Variants in THSD4 observed in about 807,000 individuals in gnomAD.
THSD4 encodes thrombospondin type-1 domain-containing protein 4.
In THSD4, 69 loss-of-function variants were observed where a neutral mutation model predicts 119.0. The ratio of observed to expected loss-of-function variants is 0.58; its 90% CI spans 0.48 to 0.71. The LOEUF is 0.71. THSD4 is among the 30% of genes least tolerant of loss of function. THSD4 has a pLI of 0.00. For missense variants in THSD4, 1,393 were observed against 1,391.1 expected (o/e 1.00, Z -0.02); for synonymous variants, 524 against 540.4 (o/e 0.97, Z 0.42).
chr15:71,753,786 C>T (rs2053490343), intron 14 of THSD4, among the ~76,000 whole-genome samples: 1 of 152,158 alleles, frequency 6.6e-6, no homozygotes, highest in African/African-American at 2.4e-5. Context: ...GAGTGGGGAG[C>T]TCCTTTCATG....
chr15:71,605,173 GAAGAT>G (rs1192116160), intron 7 of THSD4, among the ~76,000 whole-genome samples: 1 of 152,208 alleles, frequency 6.6e-6, no homozygotes, highest in Non-Finnish European at 1.5e-5. Flanking sequence ...TCAAGGAAGA[GAAGAT>G]AAGGAGATAA....
At chr15:71,613,601 A>G (rs2050269241) in intron 7 of THSD4, among the ~76,000 whole-genome samples, 1 of 152,078 alleles carries the variant, frequency 6.6e-6, no homozygotes, top group South Asian at 2.1e-4. Context: ...TTCTACATCC[A>G]CCCAAGCAAA....
chr15:71,165,689 A>G (rs1048946239), intron 3 of THSD4, among the ~76,000 whole-genome samples: 3 of 151,786 alleles, frequency 2.0e-5, no homozygotes, highest in African/African-American at 7.3e-5. Context: ...GGTGTCTGCA[A>G]TTTTCTCAGT....
chr15:71,196,473 G>C (rs1305495804), intron 3 of THSD4, among the ~76,000 whole-genome samples: 2 of 152,124 alleles, frequency 1.3e-5, no homozygotes, highest in Non-Finnish European at 2.9e-5. Flanking sequence ...GAATCCAGAA[G>C]ACTCGATAAC....
chr15:71,696,540 A>G (rs1034970523), intron 8 of THSD4, among the ~76,000 whole-genome samples: 5 of 152,196 alleles, frequency 3.3e-5, no homozygotes, highest in African/African-American at 7.2e-5. Context: ...AAACTATAGC[A>G]TAGCTATTAT....
chr15:71,589,844 G>T (rs867581586), intron 7 of THSD4, among the ~76,000 whole-genome samples: 7 of 139,284 alleles, frequency 5.0e-5, no homozygotes, highest in African/African-American at 1.8e-4. Context: ...TTGTGGCTAT[G>T]CATGTAATGA....
At chr15:71,394,078 ATTT>A (rs36141571) in intron 6 of THSD4, among the ~76,000 whole-genome samples, 222 of 148,134 alleles carry the variant, frequency 1.5e-3, no homozygotes, top group Non-Finnish European at 2.8e-3. Context: ...GATACACAAT[ATTT>A]TTTTTTTTTT....
chr15:71,361,123 A>G (rs924147949), intron 6 of THSD4, among the ~76,000 whole-genome samples: 2 of 152,166 alleles, frequency 1.3e-5, no homozygotes, highest in African/African-American at 4.8e-5. Context: ...TTTGTAGAGC[A>G]TGGAGGGCCC....
At chr15:71,302,871 A>G (rs956150272) in intron 6 of THSD4, among the ~76,000 whole-genome samples, 31 of 150,498 alleles carry the variant, frequency 2.1e-4, no homozygotes, top group African/African-American at 7.6e-4. Flanking sequence ...TAGCCCTACA[A>G]CCCCCTGCCA....
rs137932210 is a variant in THSD4 at position 71,393,330 on chromosome 15, G to T, written c.1016-18357G>T. On this transcript the variant is annotated intron_variant, in intron 6 of 17. Transcript: ENST00000261862. The stretch of plus-strand genomic sequence containing the variant: ...TAACTGCGGCCTGAATGGGATGAAT[G>T]AATGAGGCTGGCAAGTTTCTTCAGG... Among the ~76,000 whole-genome samples, 1,025 of 152,180 alleles carry T rather than the reference G, an allele frequency of 6.7e-3. 11 individuals carry two copies. The highest frequency in any genetic ancestry group is 0.024 in the African/African-American group (978 of 41,498).
At chr15:71,122,760 G>A (rs2040418912) in intron 1 of THSD4, among the ~76,000 whole-genome samples, 1 of 152,072 alleles carries the variant, frequency 6.6e-6, no homozygotes, top group Non-Finnish European at 1.5e-5. Context: ...CCCTCTATCA[G>A]GGATCTAGGT....
intron 3 of THSD4, among the ~76,000 whole-genome samples, chr15:71,191,327 C>A (rs757070298): frequency 4.6e-5 from 7 of 152,142 alleles, no homozygotes; most frequent in Non-Finnish European, 7.4e-5. Flanking sequence ...TCTGGACTCC[C>A]CTATTTTTCT....
intron 5 of THSD4, among the ~76,000 whole-genome samples, chr15:71,254,514 C>T (rs1434618725): frequency 2.0e-5 from 3 of 152,324 alleles, no homozygotes; most frequent in Admixed American, 2.0e-4. Context: ...AGCATATATT[C>T]CTGGGCTCTC....
chr15:71,257,569 A>G (rs1299750370), intron 6 of THSD4, among the ~76,000 whole-genome samples: 1 of 152,158 alleles, frequency 6.6e-6, no homozygotes, highest in African/African-American at 2.4e-5. Flanking sequence ...GCACTGCACA[A>G]TGTGCAGGAT....
chr15:71,559,053 C>A (rs139119012), intron 7 of THSD4, among the ~76,000 whole-genome samples: 1 of 152,044 alleles, frequency 6.6e-6, no homozygotes, highest in Admixed American at 6.6e-5. Flanking sequence ...ATAATTGGTT[C>A]GGAGACTTTT....
In THSD4 at chr15:71,322,048, A is replaced by G. The variant is rs1252685578; in HGVS notation, c.1015+65333A>G. Among the ~76,000 whole-genome samples the G allele has an allele frequency of 3.9e-5, 6 of 152,206 alleles. No individual in the cohort carries two copies. The East Asian group carries it at 1.2e-3, about 29-fold the overall frequency. On this transcript the variant is annotated intron_variant, in intron 6 of 17. Coordinates refer to ENST00000261862, the MANE Select transcript of THSD4 (RefSeq NM_024817.3). ...ACTTAAAAAAAAAAAAGTGGGTCAA[A>G]TTAAGTTGAAAACAAGCTTGGAGTA...
At chr15:71,311,776 G>A (rs1301276574) in intron 6 of THSD4, among the ~76,000 whole-genome samples, 2 of 152,212 alleles carry the variant, frequency 1.3e-5, no homozygotes, top group South Asian at 4.1e-4. Flanking sequence ...CCTGAAGAGC[G>A]GCCTTTCTCT....
At chr15:71,614,984 T>G (rs1595789763) in intron 7 of THSD4, among the ~76,000 whole-genome samples, 1 of 152,308 alleles carries the variant, frequency 6.6e-6, no homozygotes, top group East Asian at 1.9e-4. Flanking sequence ...CATGAGGTGT[T>G]GCGCGGAATA....
At chr15:71,577,104 AAC>A (rs1555428577) in intron 7 of THSD4, among the ~76,000 whole-genome samples, 4 of 147,534 alleles carry the variant, frequency 2.7e-5, no homozygotes, top group African/African-American at 7.4e-5. Flanking sequence ...AAAAAAAAAA[AAC>A]CTTTAGTACT....
Sources: gnomAD v4.1 joint callset for allele counts (sites outside exome capture counted in the v4.1 genomes callset) on GRCh38, gnomAD v4.1.1 for gene constraint, MANE v1.5 for transcripts, NCBI Gene and HGNC (gene_info 2026-07-23, HGNC 2026-07-21) for gene names.